DNAH12: variants seen among roughly 807,000 people sequenced by gnomAD.
DNAH12 encodes the protein axonemal beta dynein heavy chain 12.
DNAH12 carries 285 observed loss-of-function variants against 371.5 expected under a neutral mutation model. That is an observed-to-expected ratio of 0.77 (90% CI 0.70 to 0.85). The LOEUF (loss-of-function observed/expected upper bound fraction) is 0.85, where lower values mean the gene tolerates loss of function less well. DNAH12 is among the 40% of genes least tolerant of loss of function. The pLI is 0.00. For synonymous variants in DNAH12, 1,200 were observed against 1,213.0 expected (o/e 0.99, Z 0.22); for missense variants, 3,611 against 3,689.4 (o/e 0.98, Z 0.55).
rs575772760 is a variant in DNAH12, at chr3:57,529,017, C to T, written c.171-5133G>A. Among the ~76,000 whole-genome samples the T allele has an allele frequency of 1.9e-4, 29 of 152,130 alleles. No homozygotes were observed. In the East Asian group the frequency reaches 5.1e-3, roughly 27 times the overall value. ...GTTTCACCATGTTGGCCAGGCTGGT[C>T]TCAAACTCCTGACCACAGGTGATCC... is the stretch of plus-strand genomic sequence containing the variant. On this transcript the variant is annotated intron_variant, in intron 2 of 73. Transcript: ENST00000495027.
Position 57,452,956 on chromosome 3 carries a change from C to T in DNAH12, c.3673G>A (p.Glu1225Lys). 1 of 1,551,232 alleles carries T rather than the reference C, an allele frequency of 6.4e-7. No homozygotes were observed. The highest frequency in any genetic ancestry group is 8.7e-7 in the Non-Finnish European group (1 of 1,146,904). ...LAQLRYYWEN[E>K]NARVRIINCN... ...TTAATGATACGAACTCGGGCATTCT[C>T]ATTTTCCCAATAATATCGGAGCTGA... The change falls in exon 25 of 74, where the codon GAG (glutamate) becomes AAG (lysine). Residue 1225 changes from glutamate to lysine, a missense_variant. Transcript: ENST00000495027.
At chr3:57,453,049 C>T (rs369834254) in intron 24 of DNAH12, 34 bp from the exon 25 acceptor site, 18 of 1,506,836 alleles carry the variant, frequency 1.2e-5, no homozygotes, top group South Asian at 2.7e-5. Context: ...GACACATGAT[C>T]CTTAAATGGA....
chr3:57,427,216 AT>A (rs2064805946), intron 34 of DNAH12, among the ~76,000 whole-genome samples: 1 of 151,050 alleles, frequency 6.6e-6, no homozygotes, highest in Non-Finnish European at 1.5e-5. Context: ...CCAAAAAGAT[AT>A]TTCCATGTTC....
intron 2 of DNAH12, among the ~76,000 whole-genome samples, chr3:57,528,427 C>T (rs924260482): frequency 4.0e-5 from 6 of 151,598 alleles, no homozygotes; most frequent in African/African-American, 1.5e-4. Flanking sequence ...GACACTTTAA[C>T]AATATTAATT....
At position 57,445,428 on chromosome 3, in the gene DNAH12, T is replaced by G; in HGVS notation, c.4180-9A>C. On this transcript the variant is annotated splice_polypyrimidine_tract_variant and intron_variant, in intron 27 of 73. Transcript: ENST00000495027. The stretch of plus-strand genomic sequence containing the variant: ...ACTGTTCTAAAAAGAACCTGAAGTA[T>G]AAAATAAATGAAATATATTACGTAC... 2.7e-6 allele frequency: 4 copies of G among 1,505,462 alleles called. No homozygotes were observed. The highest frequency in any genetic ancestry group is 3.5e-6 in the Non-Finnish European group (4 of 1,128,426). 93.3% of individuals were successfully genotyped at this position (1,505,462 alleles called of 1,614,324 possible). A position where few individuals can be genotyped will look rare whatever the true frequency, so the allele number is the denominator to read the frequency against.
chr3:57,504,666 T>C (rs1210521291), intron 8 of DNAH12, among the ~76,000 whole-genome samples: 1 of 152,236 alleles, frequency 6.6e-6, no homozygotes, highest in Non-Finnish European at 1.5e-5. Context: ...GATACAGGAA[T>C]GTAATGTGCA....
At chr3:57,332,138 G>T (rs1474266773) in intron 62 of DNAH12, among the ~76,000 whole-genome samples, 1 of 152,120 alleles carries the variant, frequency 6.6e-6, no homozygotes, top group Non-Finnish European at 1.5e-5. Context: ...CATTTGTCAT[G>T]AATAATTTTT....
upstream of DNAH12, among the ~76,000 whole-genome samples, chr3:57,547,972 T>A (rs2069591600): frequency 6.6e-6 from 1 of 152,226 alleles, no homozygotes; most frequent in Admixed American, 6.5e-5. Flanking sequence ...AGGATTATAT[T>A]TGCTTGCAAA....
At chr3:57,394,896 A>T (rs1279316206) in intron 43 of DNAH12, among the ~76,000 whole-genome samples, 2 of 152,208 alleles carry the variant, frequency 1.3e-5, no homozygotes, top group African/African-American at 2.4e-5. Context: ...AATTCCTAAT[A>T]TAAGATATGG....
At chr3:57,462,898 T>A (rs1382153625) in intron 17 of DNAH12, 23 bp from the exon 18 acceptor site, 2 of 1,520,296 alleles carry the variant, frequency 1.3e-6, no homozygotes, top group Non-Finnish European at 1.8e-6. Context: ...ATATAAACAA[T>A]TATGAGTCAC....
At chr3:57,416,692 T>C (rs1407376345) in intron 37 of DNAH12, among the ~76,000 whole-genome samples, 2 of 152,176 alleles carry the variant, frequency 1.3e-5, no homozygotes, top group Non-Finnish European at 2.9e-5. Context: ...TATGTATATG[T>C]ATACTGTTAA....
rs2062882490 is a variant in DNAH12, at chr3:57,359,778, T to TTG, written c.9361-2431_9361-2430insCA. On this transcript the variant is annotated intron_variant, in intron 58 of 73. Transcript: ENST00000495027. ...AAATCTCTAGAATAAACTTGTAAAGTTTTGTTTGTTTGTTTAATCTTGTGG... is the reference window on the plus strand; with the variant it reads ...AAATCTCTAGAATAAACTTGTAAAGTTGTTTGTTTGTTTGTTTAATCTTGTGG... Among the ~76,000 whole-genome samples the TTG allele has an allele frequency of 2.0e-5, 3 of 151,992 alleles. No homozygotes were observed. The South Asian group carries it at 6.2e-4, about 32-fold the overall frequency.
Position 57,405,646 on chromosome 3 carries a change from T to C in DNAH12, c.6576+7A>G. 6.5e-7 allele frequency: 1 copy of C among 1,548,770 alleles called. No homozygotes were observed. The highest frequency in any genetic ancestry group is 8.7e-7 in the Non-Finnish European group (1 of 1,145,258). The stretch of plus-strand genomic sequence containing the variant: ...TAACTCAATATGTTCTTAATCGCCA[T>C]ACTCACTGGTGCATTTTGTTTCCTC... On this transcript the variant is annotated splice_region_variant and intron_variant, in intron 41 of 73. Transcript: ENST00000495027.
At chr3:57,493,796 A>T (rs907774186) in intron 11 of DNAH12, 4 of 151,658 alleles carry the variant, frequency 2.6e-5, no homozygotes, top group Admixed American at 2.0e-4. Context: ...AAAAAAAAAA[A>T]GCATTTAACG....
intron 60 of DNAH12, among the ~76,000 whole-genome samples, chr3:57,336,415 T>C (rs1297665911): frequency 6.6e-6 from 1 of 152,012 alleles, no homozygotes; most frequent in African/African-American, 2.4e-5. Flanking sequence ...TAGGCAATAT[T>C]AAATAGACCA....
In DNAH12 at chr3:57,433,501, C is replaced by T. The variant is rs1468186851; in HGVS notation, c.4846G>A (p.Asp1616Asn). Residue 1616 changes from aspartate to asparagine, a missense_variant, in exon 32 of 74, where the codon GAT becomes AAT. Coordinates refer to ENST00000495027, the MANE Select transcript of DNAH12 (RefSeq NM_001366028.2). Reference protein sequence around the residue: ...QFDPVSHEWTDGIVANTFREF... With the variant: ...QFDPVSHEWTNGIVANTFREF... ...CTAAAAGTGTTAGCCACAATACCATCAGTCCACTGAGGAGGAAAAAAAAGA... is the reference window on the plus strand; with the variant it reads ...CTAAAAGTGTTAGCCACAATACCATTAGTCCACTGAGGAGGAAAAAAAAGA... 2 of 1,550,936 alleles carry T rather than the reference C, an allele frequency of 1.3e-6. No individual in the cohort carries two copies.
intron 13 of DNAH12, among the ~76,000 whole-genome samples, chr3:57,477,611 T>C (rs898669284): frequency 6.6e-6 from 1 of 152,130 alleles, no homozygotes; most frequent in African/African-American, 2.4e-5. Flanking sequence ...GATCTGAGAA[T>C]GGACAGACTG....
intron 60 of DNAH12, among the ~76,000 whole-genome samples, chr3:57,336,939 TCCC>T (rs1353283464): frequency 2.0e-5 from 3 of 151,812 alleles, no homozygotes; most frequent in Admixed American, 2.0e-4. Context: ...ACAAATTAAA[TCCC>T]CCAATTAAAA....
chr3:57,336,197 G>A (rs2062217850), intron 60 of DNAH12, among the ~76,000 whole-genome samples: 1 of 152,126 alleles, frequency 6.6e-6, no homozygotes, highest in African/African-American at 2.4e-5. Flanking sequence ...CTACCTAAAA[G>A]AGTGAAGTCT....
Sources: allele counts gnomAD v4.1 joint callset (sites outside exome capture counted in the v4.1 genomes callset), GRCh38; gene constraint gnomAD v4.1.1; transcripts MANE v1.5; gene names NCBI Gene and HGNC (gene_info 2026-07-23, HGNC 2026-07-21).